The following OSBPL9 variants were observed in gnomAD, a reference collection of about 807,000 sequenced individuals.
OSBPL9 encodes oxysterol binding protein like 9, also known as oxysterol-binding protein-related protein 9.
A neutral mutation model predicts 106.6 loss-of-function variants in OSBPL9; 40 were observed. That is an observed-to-expected ratio of 0.38 (90% CI 0.29 to 0.49). OSBPL9 has a LOEUF of 0.49. Ranked by LOEUF, OSBPL9 falls within the 20% of genes least tolerant of loss-of-function variation. The pLI is 0.97. For synonymous variants in OSBPL9, 269 were observed against 295.4 expected (o/e 0.91, Z 0.92); for missense variants, 609 against 887.2 (o/e 0.69, Z 3.98).
chr1:51,685,193 A>T (rs1653503258), intron 3 of OSBPL9, among the ~76,000 whole-genome samples: 1 of 152,210 alleles, frequency 6.6e-6, no homozygotes, highest in African/African-American at 2.4e-5. Context: ...GCAAAGCAAC[A>T]TGCCTAATAC....
rs139982902 is a variant in OSBPL9, at chr1:51,775,706, G to A, written c.1171-1127G>A. ...GCTCACGGCAACCTCTGCCTCCTGG[G>A]TTCAAGTGATTCTCCTGCCTCAGCC... On this transcript the variant is annotated intron_variant, in intron 14 of 23. Transcript: ENST00000428468. Among the ~76,000 whole-genome samples, 82 of 152,238 alleles carry A rather than the reference G, an allele frequency of 5.4e-4. 1 individual carries two copies. The highest frequency in any genetic ancestry group is 9.7e-4 in the Non-Finnish European group (66 of 68,002).
chr1:51,574,708 T>C (rs970854387), upstream of OSBPL9, among the ~76,000 whole-genome samples: 2 of 152,162 alleles, frequency 1.3e-5, no homozygotes, highest in Non-Finnish European at 2.9e-5. Context: ...AAACATTTAT[T>C]CTCATAAAAG....
Position 51,601,379 on chromosome 1 carries a change from G to A in OSBPL9, c.-353+3186G>A, listed in dbSNP as rs189157758. On this transcript the variant is annotated intron_variant, in intron 2 of 25. Coordinates refer to the OSBPL9 transcript ENST00000371714. Reference sequence around the variant, plus strand: ...TTTGGTCTAAAGACAGTTTGTCTGTGGTTCTGCAGGGCTAGCTGGACATTT... The same window carrying A: ...TTTGGTCTAAAGACAGTTTGTCTGTAGTTCTGCAGGGCTAGCTGGACATTT... Among the ~76,000 whole-genome samples, 1,024 of 152,318 alleles carry A rather than the reference G, an allele frequency of 6.7e-3. 2 individuals are homozygous for A. Among genetic ancestry groups the A allele is most frequent in the Non-Finnish European group, 0.011 (716 of 68,026 alleles).
rs539034758 is a variant in OSBPL9, at chr1:51,610,201, A to G, written c.-352-4104A>G. Among the ~76,000 whole-genome samples the G allele has an allele frequency of 2.0e-3, 312 of 152,312 alleles. 1 individual carries two copies. Among genetic ancestry groups the G allele is most frequent in the African/African-American group, 7.1e-3 (294 of 41,556 alleles). ...AGATTAGCTCTATCTGGGGGTGGGC[A>G]CAGGTGTGGGTGTCCAAAGAAACTC... is the stretch of plus-strand genomic sequence containing the variant. On this transcript the variant is annotated intron_variant, in intron 2 of 25. Coordinates refer to the OSBPL9 transcript ENST00000371714.
intron 2 of OSBPL9, among the ~76,000 whole-genome samples, chr1:51,663,024 A>G (rs773830761): frequency 1.8e-4 from 27 of 152,154 alleles, no homozygotes; most frequent in South Asian, 1.0e-3. Flanking sequence ...GATTACAGGC[A>G]TGAGCCACCG....
intron 12 of OSBPL9, among the ~76,000 whole-genome samples, chr1:51,771,556 T>C (rs1673910145): frequency 6.6e-6 from 1 of 152,210 alleles, no homozygotes; most frequent in Non-Finnish European, 1.5e-5. Flanking sequence ...CTATTAATAA[T>C]AGAATAATCT....
upstream of OSBPL9, among the ~76,000 whole-genome samples, chr1:51,615,078 G>A (rs1345218801): frequency 2.6e-5 from 4 of 152,132 alleles, no homozygotes; most frequent in African/African-American, 9.7e-5. Context: ...TGGCCAACAT[G>A]GTGAAACCTC....
chr1:51,552,821 C>G, the OSBPL9 span, among the ~76,000 whole-genome samples: 1 of 152,004 alleles, frequency 6.6e-6, no homozygotes. Flanking sequence ...GGTGGGGTTT[C>G]ACCATCTTGG....
At chr1:51,719,981 G>T (rs1661773412) in intron 4 of OSBPL9, among the ~76,000 whole-genome samples, 1 of 152,236 alleles carries the variant, frequency 6.6e-6, no homozygotes, top group African/African-American at 2.4e-5. Flanking sequence ...GTGATGATGT[G>T]TTCTCTGTTC....
chr1:51,781,090 A>C (rs1024219620), intron 15 of OSBPL9, 74 bp from the exon 16 acceptor site: 13 of 1,458,488 alleles, frequency 8.9e-6, no homozygotes, highest in African/African-American at 1.4e-5. Flanking sequence ...TAGGTGGACC[A>C]TGCTGGGGGT....
chr1:51,773,430 T>C (rs953167088), intron 14 of OSBPL9, among the ~76,000 whole-genome samples: 2 of 152,214 alleles, frequency 1.3e-5, no homozygotes, highest in African/African-American at 2.4e-5. Context: ...GTAGGTGTTA[T>C]TAACTTCATT....
chr1:51,572,609 A>G (rs1174890329), upstream of OSBPL9, among the ~76,000 whole-genome samples: 8 of 152,298 alleles, frequency 5.3e-5, no homozygotes, highest in East Asian at 1.5e-3. Context: ...AGCAGTAATG[A>G]ATATAGTCCC....
the OSBPL9 span, among the ~76,000 whole-genome samples, chr1:51,533,844 T>C: frequency 4.9e-5 from 7 of 142,786 alleles, no homozygotes; most frequent in Non-Finnish European, 9.2e-5. Context: ...CTTTTTTCTT[T>C]CTTTTTTTTT....
intron 1 of OSBPL9, among the ~76,000 whole-genome samples, chr1:51,627,165 G>T (rs1644815844): frequency 6.6e-6 from 1 of 152,076 alleles, no homozygotes; most frequent in Non-Finnish European, 1.5e-5. Flanking sequence ...CACCATGTGG[G>T]CTACTTTTTT....
intron 1 of OSBPL9, among the ~76,000 whole-genome samples, chr1:51,631,248 A>T (rs1258702223): frequency 1.3e-5 from 2 of 152,144 alleles, no homozygotes; most frequent in African/African-American, 4.8e-5. Flanking sequence ...GATATCTCAA[A>T]AAGGCCAATC....
At chr1:51,609,370 G>T (rs1327441152) in intron 2 of OSBPL9, among the ~76,000 whole-genome samples, 3 of 148,038 alleles carry the variant, frequency 2.0e-5, no homozygotes, top group Non-Finnish European at 3.0e-5. Flanking sequence ...TAGAGATAGG[G>T]TGTCACTCTG....
At chr1:51,553,800 T>C in the OSBPL9 span, among the ~76,000 whole-genome samples, 3 of 152,114 alleles carry the variant, frequency 2.0e-5, no homozygotes, top group African/African-American at 7.2e-5. Context: ...TGCCTCAGCC[T>C]CCCGAGTACC....
At chr1:51,642,293 TCTC>T (rs1438413119) in intron 1 of OSBPL9, among the ~76,000 whole-genome samples, 6 of 152,204 alleles carry the variant, frequency 3.9e-5, no homozygotes, top group Non-Finnish European at 1.5e-5. Context: ...AGGTCAATAT[TCTC>T]CTAGAATTTA....
At chr1:51,633,359 C>A (rs1378548522) in intron 1 of OSBPL9, among the ~76,000 whole-genome samples, 1 of 151,348 alleles carries the variant, frequency 6.6e-6, no homozygotes, top group Non-Finnish European at 1.5e-5. Flanking sequence ...TGCTTGAGCC[C>A]AGGTGTTCAA....
Sources: gnomAD v4.1 joint callset for allele counts (sites outside exome capture counted in the v4.1 genomes callset) on GRCh38, gnomAD v4.1.1 for gene constraint, MANE v1.5 for transcripts, NCBI Gene and HGNC (gene_info 2026-07-23, HGNC 2026-07-21) for gene names.